The following ATXN7L1 variants were observed in gnomAD, a reference collection of about 807,000 sequenced individuals.
ATXN7L1 encodes the protein ataxin-7-like protein 1.
ATXN7L1 carries 15 observed loss-of-function variants against 70.8 expected under a neutral mutation model. The ratio of observed to expected loss-of-function variants is 0.21; its 90% confidence interval spans 0.14 to 0.33. The LOEUF is 0.33. Ranked by LOEUF, ATXN7L1 falls within the 10% of genes least tolerant of loss-of-function variation. ATXN7L1 has a pLI of 1.00. For synonymous variants in ATXN7L1, 440 were observed against 445.1 expected, an observed-to-expected ratio of 0.99 and a Z score of 0.14; for missense variants, 975 against 1,097.1, an observed-to-expected ratio of 0.89 and a Z score of 1.57.
chr7:105,863,537 G>A (rs191631036), intron 2 of ATXN7L1, among the ~76,000 whole-genome samples: 30 of 152,324 alleles, frequency 2.0e-4, no homozygotes, highest in Non-Finnish European at 3.8e-4. Flanking sequence ...CCTTAAACAG[G>A]TGTCCTGGGT....
chr7:105,706,414 T>C (rs1189561017), intron 3 of ATXN7L1, among the ~76,000 whole-genome samples: 1 of 152,146 alleles, frequency 6.6e-6, no homozygotes, highest in Non-Finnish European at 1.5e-5. Flanking sequence ...CAGGCTGGTC[T>C]TGGACTCCTG....
chr7:105,639,185 A>G (rs1442790885), intron 6 of ATXN7L1, among the ~76,000 whole-genome samples: 1 of 152,124 alleles, frequency 6.6e-6, no homozygotes, highest in Non-Finnish European at 1.5e-5. Context: ...TCCTGCATAC[A>G]TTAAAACGTA....
At chr7:105,824,363 G>A (rs749705315) in intron 2 of ATXN7L1, among the ~76,000 whole-genome samples, 3 of 152,084 alleles carry the variant, frequency 2.0e-5, no homozygotes, top group Non-Finnish European at 4.4e-5. Context: ...GCACCCACCT[G>A]AAAGAGACTG....
At chr7:105,624,312 T>C in intron 7 of ATXN7L1, 45 bp from the exon 8 acceptor site, 1 of 1,313,044 alleles carries the variant, frequency 7.6e-7, no homozygotes, top group Non-Finnish European at 9.8e-7. Flanking sequence ...CAAATGAACC[T>C]TTTCTGAGGT....
rs1387330422 is a variant in ATXN7L1, at chr7:105,721,901, T to C, written c.356-56613A>G. On this transcript the variant is annotated intron_variant, in intron 3 of 11. Coordinates refer to ENST00000419735, the MANE Select transcript of ATXN7L1 (RefSeq NM_020725.2). ...CATGAATGAGAATAGGGTAGCCTAA[T>C]TGAAATACAATGGGGTCTTCCTCCT... Among the ~76,000 whole-genome samples, 3 of 152,206 alleles carry C rather than the reference T, an allele frequency of 2.0e-5. 1 individual carries two copies. The highest frequency in any genetic ancestry group is 6.5e-5 in the Admixed American group (1 of 15,276).
intron 2 of ATXN7L1, among the ~76,000 whole-genome samples, chr7:105,830,788 C>G (rs1031292181): frequency 6.6e-6 from 1 of 152,234 alleles, no homozygotes; most frequent in Non-Finnish European, 1.5e-5. Context: ...GGTCCAGTGG[C>G]CTTCCATGGG....
intron 4 of ATXN7L1, among the ~76,000 whole-genome samples, chr7:105,658,468 G>A (rs1016495738): frequency 6.6e-6 from 1 of 151,460 alleles, no homozygotes; most frequent in African/African-American, 2.4e-5. Context: ...TAAAAATAGG[G>A]TATAATCATC....
chr7:105,745,332 C>T (rs1391873189), intron 3 of ATXN7L1, among the ~76,000 whole-genome samples: 2 of 151,930 alleles, frequency 1.3e-5, no homozygotes, highest in African/African-American at 4.8e-5. Context: ...TTGAAATTAA[C>T]TTCCTCTCCC....
At chr7:105,792,156 C>T (rs1805344069) in intron 2 of ATXN7L1, among the ~76,000 whole-genome samples, 1 of 152,194 alleles carries the variant, frequency 6.6e-6, no homozygotes, top group African/African-American at 2.4e-5. Flanking sequence ...AAAGGTTCGG[C>T]TCCTTAGAGA....
At chr7:105,666,241 C>A (rs567721555) in intron 3 of ATXN7L1, among the ~76,000 whole-genome samples, 1 of 152,200 alleles carries the variant, frequency 6.6e-6, no homozygotes, top group Non-Finnish European at 1.5e-5. Context: ...CTAAAAAAGA[C>A]AAAGCTTCCT....
chr7:105,811,959 C>T (rs544725849), intron 2 of ATXN7L1, among the ~76,000 whole-genome samples: 95 of 152,190 alleles, frequency 6.2e-4, no homozygotes, highest in Non-Finnish European at 2.6e-4. Context: ...GCCCCCATAC[C>T]TTGTCTTCAG....
intron 3 of ATXN7L1, among the ~76,000 whole-genome samples, chr7:105,759,413 G>C (rs146440323): frequency 2.0e-5 from 3 of 151,234 alleles, no homozygotes; most frequent in Non-Finnish European, 4.4e-5. Flanking sequence ...CTCGCTGGAG[G>C]AGGAGCCAAT....
chr7:105,733,424 G>C (rs1266129299), intron 3 of ATXN7L1, among the ~76,000 whole-genome samples: 1 of 151,992 alleles, frequency 6.6e-6, no homozygotes, highest in African/African-American at 2.4e-5. Context: ...TCAAAGCATT[G>C]TAGTGGGCAT....
At chr7:105,677,210 G>A (rs557878185) in intron 3 of ATXN7L1, among the ~76,000 whole-genome samples, 18 of 152,314 alleles carry the variant, frequency 1.2e-4, no homozygotes, top group Admixed American at 8.5e-4. Context: ...CATGAGCTTC[G>A]GGAGTCACTG....
At chr7:105,760,551 G>A (rs1045178522) in intron 3 of ATXN7L1, 16 of 985,824 alleles carry the variant, frequency 1.6e-5, no homozygotes, top group Middle Eastern at 5.2e-4. Context: ...CAGCTATCAC[G>A]TATTAACTGA....
intron 3 of ATXN7L1, among the ~76,000 whole-genome samples, chr7:105,778,525 A>AAAAAAAAAAAC (rs1563085175): frequency 5.5e-5 from 6 of 108,412 alleles, no homozygotes; most frequent in African/African-American, 1.8e-4. Context: ...AAAAAAAAAA[A>AAAAAAAAAAAC]AAAAAAAAAA....
rs566366483 is a variant in ATXN7L1 at position 105,852,217 on chromosome 7, G to A, written c.250+23595C>T. Among the ~76,000 whole-genome samples, 17 of 152,194 alleles carry A rather than the reference G, an allele frequency of 1.1e-4. No homozygotes were observed. In the South Asian group the frequency reaches 3.3e-3, roughly 30 times the overall value. ...ACAGGCAGCCCTATACTACTGGCAG[G>A]GACCTTACAGTCCTCCCCTCATCTC... is the stretch of plus-strand genomic sequence containing the variant. On this transcript the variant is annotated intron_variant, in intron 2 of 11. Transcript: ENST00000419735.
chr7:105,660,448 C>A (rs1041764081), intron 4 of ATXN7L1, among the ~76,000 whole-genome samples: 1 of 128,644 alleles, frequency 7.8e-6, no homozygotes, highest in South Asian at 2.4e-4. Context: ...CCTTCCAACT[C>A]TCTTAGATAG....
At chr7:105,682,433 T>A (rs924916284) in intron 3 of ATXN7L1, among the ~76,000 whole-genome samples, 1 of 152,104 alleles carries the variant, frequency 6.6e-6, no homozygotes, top group African/African-American at 2.4e-5. Flanking sequence ...TAGGTATATA[T>A]CCAAAGGAAT....
Sources: allele counts gnomAD v4.1 joint callset (sites outside exome capture counted in the v4.1 genomes callset), GRCh38; gene constraint gnomAD v4.1.1; transcripts MANE v1.5; gene names NCBI Gene and HGNC (gene_info 2026-07-23, HGNC 2026-07-21).